The following DYNC2H1 variants were observed in gnomAD, a reference collection of about 807,000 sequenced individuals.
The protein encoded by DYNC2H1 is cytoplasmic dynein 2 heavy chain 1.
Under a neutral mutation model 570.0 loss-of-function variants are expected in DYNC2H1, and 410 were observed. The ratio of observed to expected loss-of-function variants is 0.72; its 90% CI spans 0.66 to 0.78. DYNC2H1 has a LOEUF of 0.78. DYNC2H1 is among the 30% of genes least tolerant of loss of function. The probability of loss-of-function intolerance (pLI) is 0.00; values close to 1 mark genes in which losing one functional copy is unlikely to be tolerated. For missense variants in DYNC2H1, 4,865 were observed against 5,046.4 expected, an observed-to-expected ratio of 0.96 and a Z score of 1.09; for synonymous variants, 1,688 against 1,677.6, an observed-to-expected ratio of 1.01 and a Z score of -0.15.
rs563547487 is a variant in DYNC2H1 at position 103,160,745 on chromosome 11, C to G, written c.4379-187C>G. On this transcript the variant is annotated intron_variant, in intron 28 of 88. Coordinates refer to ENST00000375735, the MANE Select transcript of DYNC2H1 (RefSeq NM_001377.3). ...CAGATGAGTGATAAGAATATTGATT[C>G]AGAAAGTGATTTTTTTCCCTCAATA... is the stretch of plus-strand genomic sequence containing the variant. Among the ~76,000 whole-genome samples, 3 of 151,976 alleles carry G rather than the reference C, an allele frequency of 2.0e-5. No individual in the cohort carries two copies. The East Asian group carries it at 5.8e-4, about 29-fold the overall frequency.
intron 1 of DYNC2H1, among the ~76,000 whole-genome samples, chr11:103,112,310 G>A (rs1008555240): frequency 6.6e-6 from 1 of 152,202 alleles, no homozygotes; most frequent in Non-Finnish European, 1.5e-5. Context: ...GGCACAGGCT[G>A]ATCATTTAGG....
At chr11:103,433,813 T>G (rs1031090595) in intron 84 of DYNC2H1, among the ~76,000 whole-genome samples, 1 of 152,146 alleles carries the variant, frequency 6.6e-6, no homozygotes, top group Non-Finnish European at 1.5e-5. Flanking sequence ...CGCATAAATA[T>G]TGTTCCCATC....
rs1395935758 is a variant in DYNC2H1, at chr11:103,280,785, A to T, written c.10761+372A>T. Among the ~76,000 whole-genome samples the T allele has an allele frequency of 1.3e-5, 2 of 152,102 alleles. No homozygotes were observed. The highest frequency in any genetic ancestry group is 4.8e-5 in the African/African-American group (2 of 41,454). On this transcript the variant is annotated intron_variant, in intron 71 of 88. Transcript: ENST00000375735. This position sits in a 1 kb window ranked among gnomAD's most constrained non-coding sequence, Gnocchi z 4.7. ...ACTACATTATTTATTGCTTCCACTGAACTGTCAAGAGGCAGCAGGTGAGGC... is the reference window on the plus strand; with the variant it reads ...ACTACATTATTTATTGCTTCCACTGTACTGTCAAGAGGCAGCAGGTGAGGC...
In DYNC2H1 at chr11:103,319,539, C is replaced by A. The variant is rs1057232187; in HGVS notation, c.11726-1490C>A. On this transcript the variant is annotated intron_variant, in intron 80 of 88. Transcript: ENST00000375735. This position sits in a 1 kb window ranked among gnomAD's most constrained non-coding sequence, Gnocchi z 4.3. ...TACATGAAGCATTTAACATTTAGTA[C>A]ATTTAATATGTGGAGTTAAGCTATC... 4.6e-5 allele frequency among the ~76,000 whole-genome samples: 7 copies of A among 152,028 alleles called. No individual in the cohort carries two copies. The highest frequency in any genetic ancestry group is 4.6e-4 in the Admixed American group (7 of 15,268).
rs939582256 is a variant in DYNC2H1, at chr11:103,151,132, C to G, written c.2947-1004C>G. On this transcript the variant is annotated intron_variant, in intron 20 of 88. Transcript: ENST00000375735. The surrounding 1 kb of genome is among the most constrained non-coding windows in gnomAD (Gnocchi z 4.6). ...TACAGGCTAACTGGAGTTCCGTTCA[C>G]GTGTAGAAAATTAAAATCCTGAGGT... Among the ~76,000 whole-genome samples, 1 of 152,098 alleles carries G rather than the reference C, an allele frequency of 6.6e-6. No individual in the cohort carries two copies. Among genetic ancestry groups the G allele is most frequent in the Admixed American group, 6.5e-5 (1 of 15,268 alleles).
At chr11:103,138,221 A>C (rs181981489) in intron 17 of DYNC2H1, among the ~76,000 whole-genome samples, 9,142 of 151,778 alleles carry the variant, frequency 0.06, 401 homozygotes, top group Non-Finnish European at 0.087. Context: ...CCCTTTATTT[A>C]CTTCTCCTGC....
At position 103,177,924 on chromosome 11, in the gene DYNC2H1, G is replaced by C; in HGVS notation, c.6139+104G>C. 7.8e-7 allele frequency: 1 copy of C among 1,288,048 alleles called. No individual in the cohort carries two copies. Among genetic ancestry groups the C allele is most frequent in the Non-Finnish European group, 1.0e-6 (1 of 967,112 alleles). 79.8% of individuals were successfully genotyped at this position (1,288,048 alleles called of 1,614,324 possible). On this transcript the variant is annotated intron_variant, in intron 38 of 88. Transcript: ENST00000375735. The surrounding 1 kb of genome is among the most constrained non-coding windows in gnomAD (Gnocchi z 4.4). Reference sequence around the variant, plus strand: ...GTCAAGACTTCTACATGACCATAAAGTCATAATTAAGTTAAAATGATGTAC... The same window carrying C: ...GTCAAGACTTCTACATGACCATAAACTCATAATTAAGTTAAAATGATGTAC...
intron 31 of DYNC2H1, among the ~76,000 whole-genome samples, chr11:103,167,405 T>A (rs1009847286): frequency 2.0e-5 from 3 of 151,952 alleles, no homozygotes; most frequent in Admixed American, 6.6e-5. Context: ...GTAGCTGAGA[T>A]TACAGACATG....
Position 103,303,164 on chromosome 11 carries a change from A to G in DYNC2H1, c.11167A>G (p.Ile3723Val), listed in dbSNP as rs1472640958. ...LYKETLEIEP[I>V]LIIISPGADP... ...CAAAGAGACACTGGAAATTGAACCC[A>G]TCTTGATAATTATTTCTCCGGGTGC... Residue 3723 changes from isoleucine (I) to valine (V), a missense_variant, in exon 76 of 89, where the codon ATC becomes GTC. Physicochemically the swap from Ile to Val is conservative, Grantham distance 29. Around this residue, in one of 5 missense-constraint regions of DYNC2H1, gnomAD observed 2,401 missense variants for 2,454.6 expected, o/e 0.98. Coordinates refer to ENST00000375735, the MANE Select transcript of DYNC2H1 (RefSeq NM_001377.3). 3.7e-6 allele frequency: 6 copies of G among 1,612,414 alleles called. No individual in the cohort carries two copies. The highest frequency in any genetic ancestry group is 1.3e-5 in the African/African-American group (1 of 74,888).
At position 103,176,547 on chromosome 11, in the gene DYNC2H1, C is replaced by T. The variant is rs7105913; in HGVS notation, c.5874+113C>T. 9.5e-3 allele frequency: 8,248 copies of T among 870,206 alleles called. 527 individuals are homozygous for T. The African/African-American group carries it at 0.13, about 14-fold the overall frequency. The allele number at this position is 870,206 out of a possible 1,614,324, so 53.9% of individuals were successfully genotyped here. A position where few individuals can be genotyped will look rare whatever the true frequency, so the allele number is the denominator to read the frequency against. ...ATCTTTTATCTTTCAACTTAGATCT[C>T]ACTTGCTCAGGGAAGTCTTCCCAGA... On this transcript the variant is annotated intron_variant, in intron 37 of 88. Coordinates refer to ENST00000375735, the MANE Select transcript of DYNC2H1 (RefSeq NM_001377.3).
In DYNC2H1 at chr11:103,198,357, G is replaced by A. The variant is rs575600180; in HGVS notation, c.7839+294G>A. ...AGCAGTGGTTGTCAAACTTTAGAGA[G>A]CATTAGAGTCATGTAGAGATTAGAA... On this transcript the variant is annotated intron_variant, in intron 48 of 88. Transcript: ENST00000375735. 5.9e-5 allele frequency among the ~76,000 whole-genome samples: 9 copies of A among 152,300 alleles called. No homozygotes were observed. The South Asian group carries it at 1.9e-3, about 32-fold the overall frequency.
rs1326239335 is a variant in DYNC2H1, at chr11:103,120,607, G to A, written c.1134+26G>A. 5.0e-6 allele frequency: 8 copies of A among 1,599,306 alleles called. No homozygotes were observed. The Middle Eastern group carries it at 6.7e-4, about 133-fold the overall frequency. On this transcript the variant is annotated intron_variant, in intron 7 of 88. Coordinates refer to ENST00000375735, the MANE Select transcript of DYNC2H1 (RefSeq NM_001377.3). ...GTTGTATATATATTTGTTTATGTCTGTACAGTTTCCTGTTTATGTTGTTCT... is the reference window on the plus strand; with the variant it reads ...GTTGTATATATATTTGTTTATGTCTATACAGTTTCCTGTTTATGTTGTTCT...
chr11:103,443,223 C>T (rs1944324461), intron 85 of DYNC2H1, among the ~76,000 whole-genome samples: 1 of 151,950 alleles, frequency 6.6e-6, no homozygotes, highest in Non-Finnish European at 1.5e-5. Flanking sequence ...CAATCATAGC[C>T]TTCACCACAT....
intron 66 of DYNC2H1, 124 bp from the exon 67 acceptor site, chr11:103,255,291 T>C: frequency 9.2e-7 from 1 of 1,083,136 alleles, no homozygotes; most frequent in African/African-American, 1.6e-5. Context: ...TTAGAAAGAA[T>C]GAAATGAGAT....
In DYNC2H1 at chr11:103,280,488, G is replaced by C; in HGVS notation, c.10761+75G>C. The C allele has an allele frequency of 7.9e-7, 1 of 1,259,804 alleles. No individual in the cohort carries two copies. The highest frequency in any genetic ancestry group is 1.1e-6 in the Non-Finnish European group (1 of 887,670). The allele number at this position is 1,259,804 out of a possible 1,614,324, so 78.0% of individuals were successfully genotyped here. ...AATGGGTGGATTTATGTTTAGATTA[G>C]AAATTATTTAGGCTAGAAATTATAT... is the stretch of plus-strand genomic sequence containing the variant. On this transcript the variant is annotated intron_variant, in intron 71 of 88. Coordinates refer to ENST00000375735, the MANE Select transcript of DYNC2H1 (RefSeq NM_001377.3). This position sits in a 1 kb window ranked among gnomAD's most constrained non-coding sequence, Gnocchi z 4.7.
At chr11:103,457,204 T>C (rs1944816853) in intron 87 of DYNC2H1, among the ~76,000 whole-genome samples, 1 of 152,246 alleles carries the variant, frequency 6.6e-6, no homozygotes, top group South Asian at 2.1e-4. Flanking sequence ...TATAATTATG[T>C]ATAGTACATA....
At chr11:103,356,518 T>C (rs200384206) in intron 82 of DYNC2H1, among the ~76,000 whole-genome samples, 1 of 44,974 alleles carries the variant, frequency 2.2e-5, no homozygotes, top group South Asian at 7.5e-4. Flanking sequence ...TGCAGTCTTA[T>C]TTGTTTTCTG....
At chr11:103,419,711 G>C (rs1324826541) in intron 84 of DYNC2H1, among the ~76,000 whole-genome samples, 2 of 152,072 alleles carry the variant, frequency 1.3e-5, no homozygotes, top group Non-Finnish European at 2.9e-5. Context: ...AAACTGAAAA[G>C]CCAGAGTGCC....
In DYNC2H1 at chr11:103,429,776, A is replaced by G. The variant is rs547216529; in HGVS notation, c.12367-6167A>G. 4.6e-5 allele frequency among the ~76,000 whole-genome samples: 7 copies of G among 152,330 alleles called. No individual in the cohort carries two copies. The South Asian group carries it at 1.5e-3, about 32-fold the overall frequency. On this transcript the variant is annotated intron_variant, in intron 84 of 88. Coordinates refer to ENST00000375735, the MANE Select transcript of DYNC2H1 (RefSeq NM_001377.3). ...GGAGTTAGTGATAATCTTAAATTGT[A>G]TCTATTGTTAATCATTGCATATGAA...
Sources: gnomAD v4.1 joint callset for allele counts (sites outside exome capture counted in the v4.1 genomes callset) on GRCh38, gnomAD v4.1.1 for gene constraint, gnomAD v4.1.1 regional missense constraint, Gnocchi (gnomAD v3.1) non-coding constraint, MANE v1.5 for transcripts, NCBI Gene and HGNC (gene_info 2026-07-23, HGNC 2026-07-21) for gene names.